Variants in PPME1 observed in about 807,000 individuals in gnomAD.
PPME1 encodes testicular secretory protein Li 39.
A neutral mutation model predicts 56.9 loss-of-function variants in PPME1; 17 were observed. The ratio of observed to expected loss-of-function variants is 0.30; its 90% confidence interval spans 0.20 to 0.45. The LOEUF (loss-of-function observed/expected upper bound fraction) is 0.45. Among genes scored for constraint, PPME1 ranks in the 20% least tolerant of loss-of-function variants. PPME1 has a pLI of 1.00. For missense variants in PPME1, 357 were observed against 483.2 expected (o/e 0.74, Z 2.45); for synonymous variants, 122 against 156.2 (o/e 0.78, Z 1.63).
intron 7 of PPME1, among the ~76,000 whole-genome samples, chr11:74,235,514 TCA>T (rs1859169260): frequency 6.6e-6 from 1 of 152,168 alleles, no homozygotes; most frequent in South Asian, 2.1e-4. Context: ...TCTATACTCC[TCA>T]GTTTAGCTGT....
chr11:74,202,777 G>A (rs1372513734), intron 1 of PPME1, among the ~76,000 whole-genome samples: 1 of 152,054 alleles, frequency 6.6e-6, no homozygotes, highest in Non-Finnish European at 1.5e-5. Flanking sequence ...AAAATCAAAA[G>A]ATAGTAAGGA....
intron 4 of PPME1, 174 bp downstream of exon 4, chr11:74,222,543 C>T: frequency 3.4e-6 from 2 of 587,840 alleles, no homozygotes; most frequent in South Asian, 2.0e-5. Flanking sequence ...GGCTGGGGTG[C>T]AGTGGCACAA....
chr11:74,190,469 G>A (rs1347776901), intron 1 of PPME1, among the ~76,000 whole-genome samples: 1 of 152,220 alleles, frequency 6.6e-6, no homozygotes, highest in Admixed American at 6.5e-5. Context: ...GTGATTGTAA[G>A]CTTCTGAAGC....
intron 5 of PPME1, among the ~76,000 whole-genome samples, chr11:74,226,750 G>A (rs1047829342): frequency 1.4e-4 from 21 of 152,038 alleles, no homozygotes; most frequent in Non-Finnish European, 2.9e-4. Flanking sequence ...TTTCAGTCTG[G>A]GGCTCATCAG....
intron 11 of PPME1, chr11:74,249,798 CTGTGTT>C (rs1214945186): frequency 6.6e-6 from 1 of 152,160 alleles, no homozygotes. Flanking sequence ...ATGTGCTGCT[CTGTGTT>C]TGGATCCAAG....
chr11:74,239,279 GAA>G, intron 9 of PPME1, 23 bp downstream of exon 9: 1 of 1,608,530 alleles, frequency 6.2e-7, no homozygotes, highest in Non-Finnish European at 8.5e-7. Flanking sequence ...ATTCATTCTT[GAA>G]AAGATGCGGT....
intron 1 of PPME1, among the ~76,000 whole-genome samples, chr11:74,195,636 G>T (rs1298839063): frequency 6.6e-6 from 1 of 152,150 alleles, no homozygotes; most frequent in Non-Finnish European, 1.5e-5. Context: ...CCAGGTTGAA[G>T]GACACCTGTC....
At chr11:74,231,049 T>G in intron 7 of PPME1, 47 bp downstream of exon 7, 1 of 1,448,326 alleles carries the variant, frequency 6.9e-7, no homozygotes, top group Non-Finnish European at 9.5e-7. Context: ...TTTGTTTGTT[T>G]GTTTGCTTGC....
intron 3 of PPME1, among the ~76,000 whole-genome samples, chr11:74,206,799 T>C (rs1858339018): frequency 6.6e-6 from 1 of 152,048 alleles, no homozygotes; most frequent in Non-Finnish European, 1.5e-5. Context: ...ACTCCTGGCC[T>C]CAAGCAGTCT....
rs575311325 is a variant in PPME1 at position 74,237,475 on chromosome 11, C to T, written c.710+1509C>T. 3.9e-4 allele frequency among the ~76,000 whole-genome samples: 60 copies of T among 151,982 alleles called. No homozygotes were observed. The Middle Eastern group carries it at 0.017, about 43-fold the overall frequency. ...TATTTTTAGTAGAGGTGGGGTTTCA[C>T]TGTGTTAGCCAGGATGGTCTCTATC... On this transcript the variant is annotated intron_variant, in intron 8 of 13. Transcript: ENST00000328257.
At position 74,237,275 on chromosome 11, in the gene PPME1, C is replaced by CTTTTTTTTTTT. The variant is rs763251745; in HGVS notation, c.710+1317_710+1327dup. Among the ~76,000 whole-genome samples the CTTTTTTTTTTT allele has an allele frequency of 6.3e-3, 809 of 127,946 alleles. 65 individuals are homozygous for CTTTTTTTTTTT. Among genetic ancestry groups the CTTTTTTTTTTT allele is most frequent in the African/African-American group, 0.025 (767 of 30,724 alleles). 83.9% of individuals were successfully genotyped at this position (127,946 alleles called of 152,430 possible). On this transcript the variant is annotated intron_variant, in intron 8 of 13. Transcript: ENST00000328257. ...CAGGAAGTACATAATGTCTGGTTGT[C>CTTTTTTTTTTT]TTTTTTTTTTTTTTTTTTGAGACAG...
intron 3 of PPME1, among the ~76,000 whole-genome samples, chr11:74,215,757 A>G (rs911501722): frequency 5.0e-4 from 76 of 152,362 alleles, no homozygotes; most frequent in African/African-American, 1.8e-3. Context: ...GTTGCCTACT[A>G]GAAACACTCT....
chr11:74,197,148 T>G (rs1858005328), intron 1 of PPME1, among the ~76,000 whole-genome samples: 1 of 152,238 alleles, frequency 6.6e-6, no homozygotes, highest in African/African-American at 2.4e-5. Context: ...TTGATTGGTG[T>G]AGTATCCCAT....
chr11:74,180,247 C>G (rs1857496693), intron 1 of PPME1, among the ~76,000 whole-genome samples: 1 of 152,188 alleles, frequency 6.6e-6, no homozygotes, highest in Non-Finnish European at 1.5e-5. Context: ...AGAACATTCT[C>G]TATTCTCCTT....
intron 9 of PPME1, chr11:74,243,632 T>C (rs1458871519): frequency 6.6e-6 from 1 of 152,146 alleles, no homozygotes; most frequent in Non-Finnish European, 1.5e-5. Flanking sequence ...AATCATAAGG[T>C]ACCTTTGTAT....
intron 3 of PPME1, among the ~76,000 whole-genome samples, chr11:74,218,077 T>C (rs1284775032): frequency 6.6e-6 from 1 of 152,152 alleles, no homozygotes; most frequent in Non-Finnish European, 1.5e-5. Context: ...TTTAATAAAG[T>C]TACAGGATAC....
intron 1 of PPME1, among the ~76,000 whole-genome samples, chr11:74,197,002 T>C (rs144856734): frequency 6.6e-4 from 100 of 152,314 alleles, no homozygotes; most frequent in African/African-American, 2.4e-3. Context: ...CAGCCTCATT[T>C]TCCTAGCCCT....
At chr11:74,216,907 GA>G (rs1291920594) in intron 3 of PPME1, among the ~76,000 whole-genome samples, 2 of 152,044 alleles carry the variant, frequency 1.3e-5, no homozygotes, top group African/African-American at 4.8e-5. Flanking sequence ...TACAACCTAC[GA>G]AGGTTGAACC....
Position 74,253,869 on chromosome 11 carries a change from C to A in PPME1, c.*359C>A. The stretch of plus-strand genomic sequence containing the variant: ...ATACATCTGAGTTCAAATGTCTTCC[C>A]AGGCTCAGGGACCTCCATTCCTTGA... On this transcript the variant is annotated 3_prime_UTR_variant, in exon 14 of 14. Transcript: ENST00000328257. 1 of 386,656 alleles carries A rather than the reference C, an allele frequency of 2.6e-6. No individual in the cohort carries two copies. Among genetic ancestry groups the A allele is most frequent in the Non-Finnish European group, 4.7e-6 (1 of 214,358 alleles). The allele number at this position is 386,656 out of a possible 1,614,324, so 24.0% of individuals were successfully genotyped here. A position where few individuals can be genotyped will look rare whatever the true frequency, so the allele number is the denominator to read the frequency against.
Sources: allele counts gnomAD v4.1 joint callset (sites outside exome capture counted in the v4.1 genomes callset), GRCh38; gene constraint gnomAD v4.1.1; transcripts MANE v1.5; gene names NCBI Gene and HGNC (gene_info 2026-07-23, HGNC 2026-07-21).